Variants in PALS1 observed in about 807,000 individuals in gnomAD.
The protein encoded by PALS1 is protein associated with LIN7 1, MAGUK p55 family member.
Under a neutral mutation model 78.9 loss-of-function variants are expected in PALS1, and 31 were observed. The observed-to-expected ratio is 0.39, with a 90% CI of 0.30 to 0.53. The LOEUF (loss-of-function observed/expected upper bound fraction) is 0.53. Among genes scored for constraint, PALS1 ranks in the 20% least tolerant of loss-of-function variants. The probability of loss-of-function intolerance (pLI) is 0.67; values close to 1 mark genes in which losing one functional copy is unlikely to be tolerated. For synonymous variants in PALS1, 276 were observed against 270.9 expected (o/e 1.02, Z -0.18); for missense variants, 704 against 826.5 (o/e 0.85, Z 1.82).
chr14:67,320,751 T>C (rs2085252186), intron 12 of PALS1, among the ~76,000 whole-genome samples: 1 of 152,174 alleles, frequency 6.6e-6, no homozygotes, highest in Admixed American at 6.5e-5. Flanking sequence ...CCTAATCTTA[T>C]GGAGATAAAC....
intron 3 of PALS1, among the ~76,000 whole-genome samples, chr14:67,291,804 T>G (rs1479859245): frequency 6.6e-6 from 1 of 152,204 alleles, no homozygotes; most frequent in African/African-American, 2.4e-5. Flanking sequence ...ATGGAAGATT[T>G]TTAAAAATAA....
At chr14:67,260,304 T>C (rs775754927) in intron 1 of PALS1, among the ~76,000 whole-genome samples, 47 of 152,200 alleles carry the variant, frequency 3.1e-4, no homozygotes, top group Admixed American at 2.0e-3. Context: ...TGGTTAGTAC[T>C]TGGATGGGAG....
At chr14:67,315,235 T>C (rs1470656337) in intron 9 of PALS1, among the ~76,000 whole-genome samples, 1 of 151,996 alleles carries the variant, frequency 6.6e-6, no homozygotes, top group Non-Finnish European at 1.5e-5. Context: ...ATTACTTTGT[T>C]CTTGATTTTT....
At chr14:67,273,718 A>T (rs2084452891) in intron 2 of PALS1, among the ~76,000 whole-genome samples, 1 of 152,214 alleles carries the variant, frequency 6.6e-6, no homozygotes, top group South Asian at 2.1e-4. Context: ...ACAATGGTTG[A>T]ACTAGTTTAC....
At chr14:67,281,024 G>C (rs542454565) in intron 3 of PALS1, among the ~76,000 whole-genome samples, 2 of 151,186 alleles carry the variant, frequency 1.3e-5, no homozygotes, top group Non-Finnish European at 2.9e-5. Context: ...TTAGCCTCCC[G>C]AGTGGCTGGG....
chr14:67,332,910 A>G lies in PALS1; in HGVS notation c.1982A>G (p.Lys661Arg), dbSNP rs903168994. 7.4e-6 allele frequency: 12 copies of G among 1,613,870 alleles called. No homozygotes were observed. The highest frequency in any genetic ancestry group is 5.0e-5 in the Admixed American group (3 of 59,984). Residue 661 changes from lysine (K) to arginine (R), a missense_variant, in exon 15 of 15, where the codon AAA becomes AGA. Physicochemically the swap from Lys to Arg is conservative, Grantham distance 26. Coordinates refer to ENST00000261681, the MANE Select transcript of PALS1 (RefSeq NM_022474.4). ...AYQELLRLIN[K>R]LDTEPQWVPS... ...CAGGAATTGCTTAGGTTAATTAACA[A>G]ACTTGATACTGAACCTCAGTGGGTA...
chr14:67,252,319 T>G (rs566487928), intron 1 of PALS1, among the ~76,000 whole-genome samples: 1 of 147,852 alleles, frequency 6.8e-6, no homozygotes, highest in African/African-American at 2.7e-5. Context: ...ACCTAGCTAA[T>G]TTTATTTTTA....
At chr14:67,286,783 A>G (rs575255400) in intron 3 of PALS1, among the ~76,000 whole-genome samples, 1 of 147,650 alleles carries the variant, frequency 6.8e-6, no homozygotes, top group African/African-American at 2.5e-5. Flanking sequence ...CTGGAACCTG[A>G]GAAGTTGAGG....
At chr14:67,268,339 G>A (rs368461896) in intron 1 of PALS1, among the ~76,000 whole-genome samples, 18 of 152,164 alleles carry the variant, frequency 1.2e-4, no homozygotes, top group East Asian at 7.7e-4. Flanking sequence ...TCTGTTACCC[G>A]AAGGGGGTCC....
intron 1 of PALS1, among the ~76,000 whole-genome samples, chr14:67,251,767 G>A (rs1267898886): frequency 1.3e-5 from 2 of 152,146 alleles, no homozygotes; most frequent in Non-Finnish European, 2.9e-5. Flanking sequence ...GTTTGAATGA[G>A]GGTGATAAGA....
rs55985752 is a variant in PALS1, at chr14:67,243,489, A to ATTTT, written c.-237+1974_-237+1977dup. The stretch of plus-strand genomic sequence containing the variant: ...AGGCGTGAGCCACCGCCAGAATATA[A>ATTTT]TTTTTTTTTTTTTTTTTTTTTGAGA... On this transcript the variant is annotated intron_variant, in intron 1 of 14. Coordinates refer to ENST00000261681, the MANE Select transcript of PALS1 (RefSeq NM_022474.4). Among the ~76,000 whole-genome samples the ATTTT allele has an allele frequency of 9.6e-4, 96 of 100,270 alleles. 2 individuals carry two copies. The highest frequency in any genetic ancestry group is 1.4e-3 in the Non-Finnish European group (73 of 52,030). The allele number at this position is 100,270 out of a possible 152,430, so 65.8% of individuals were successfully genotyped here.
intron 1 of PALS1, among the ~76,000 whole-genome samples, chr14:67,269,357 G>C (rs2084377292): frequency 6.6e-6 from 1 of 151,762 alleles, no homozygotes; most frequent in Non-Finnish European, 1.5e-5. Context: ...GTGTGTAGAT[G>C]TATGATTTTA....
Position 67,314,486 on chromosome 14 carries a change from T to A in PALS1, c.1225+1776T>A, listed in dbSNP as rs562722364. Among the ~76,000 whole-genome samples the A allele has an allele frequency of 4.6e-5, 7 of 152,338 alleles. No homozygotes were observed. In the South Asian group the frequency reaches 1.4e-3, roughly 32 times the overall value. On this transcript the variant is annotated intron_variant, in intron 9 of 14. Transcript: ENST00000261681. The stretch of plus-strand genomic sequence containing the variant: ...AGGAAGGAGGAATGGACTTCTTACA[T>A]TTATTTTAGAGTATGATGCTAAAAC...
chr14:67,256,124 T>C (rs1201443271), intron 1 of PALS1, among the ~76,000 whole-genome samples: 6 of 152,240 alleles, frequency 3.9e-5, no homozygotes, highest in African/African-American at 1.2e-4. Context: ...TTGTAAGATA[T>C]CCAAATAGTA....
intron 8 of PALS1, chr14:67,311,903 A>G (rs2085096407): frequency 6.6e-6 from 1 of 152,608 alleles, no homozygotes; most frequent in Non-Finnish European, 1.5e-5. Context: ...ATCCTTTAAA[A>G]GAAACGCCAA....
At chr14:67,299,360 G>A (rs1414714066) in intron 4 of PALS1, among the ~76,000 whole-genome samples, 1 of 152,120 alleles carries the variant, frequency 6.6e-6, no homozygotes, top group Non-Finnish European at 1.5e-5. Context: ...ATATACCAAA[G>A]TGATTATCCC....
intron 14 of PALS1, among the ~76,000 whole-genome samples, chr14:67,327,362 T>C (rs2085374299): frequency 6.6e-6 from 1 of 151,526 alleles, no homozygotes; most frequent in Non-Finnish European, 1.5e-5. Flanking sequence ...TTTACTAAAT[T>C]GATATAAAAG....
intron 4 of PALS1, among the ~76,000 whole-genome samples, chr14:67,292,922 T>A (rs969973151): frequency 1.6e-4 from 24 of 152,178 alleles, no homozygotes; most frequent in African/African-American, 5.8e-4. Flanking sequence ...CAGAACACTG[T>A]TTCATGAAGA....
chr14:67,315,572 G>C (rs192774283), intron 9 of PALS1, among the ~76,000 whole-genome samples: 5 of 151,996 alleles, frequency 3.3e-5, no homozygotes, highest in African/African-American at 4.8e-5. Context: ...CACTGCACCC[G>C]ACCCCTTTAA....
Sources: allele counts gnomAD v4.1 joint callset (sites outside exome capture counted in the v4.1 genomes callset), GRCh38; gene constraint gnomAD v4.1.1; transcripts MANE v1.5; gene names NCBI Gene and HGNC (gene_info 2026-07-23, HGNC 2026-07-21).